Variants in NBAS observed in about 807,000 individuals in gnomAD.
NBAS encodes NAG/BC035112 fusion.
A neutral mutation model predicts 302.5 loss-of-function variants in NBAS; 219 were observed. The ratio of observed to expected loss-of-function variants is 0.72; its 90% CI spans 0.65 to 0.81. NBAS has a LOEUF of 0.81. Ranked by LOEUF, NBAS falls within the 30% of genes least tolerant of loss-of-function variation. The pLI, the probability that NBAS is intolerant of heterozygous loss-of-function variation, is 0.00. For synonymous variants in NBAS, 1,118 were observed against 1,021.6 expected (o/e 1.09, Z -1.80); for missense variants, 2,932 against 2,841.6 (o/e 1.03, Z -0.72).
the NBAS span, among the ~76,000 whole-genome samples, chr2:14,900,954 T>C: frequency 1.3e-5 from 2 of 152,178 alleles, no homozygotes; most frequent in South Asian, 4.1e-4. Context: ...TGTAATTCCA[T>C]ATGGCTACGG....
At chr2:15,055,757 G>A in the NBAS span, among the ~76,000 whole-genome samples, 10 of 152,230 alleles carry the variant, frequency 6.6e-5, no homozygotes, top group African/African-American at 2.4e-4. Flanking sequence ...ATGGGAGTCG[G>A]GTTTCTCCCT....
chr2:14,918,312 CA>C, the NBAS span, among the ~76,000 whole-genome samples: 320 of 103,558 alleles, frequency 3.1e-3, 1 homozygote, highest in African/African-American at 6.6e-3. Context: ...GAAATCCATG[CA>C]AAAAAAAAAA....
rs13432221 is a variant in NBAS, at chr2:15,396,676, C to T, written c.3072-201G>A. Reference sequence around the variant, plus strand: ...TAGAGTAGAACAATATTCTCTGTTACAGATTAGTCAGATATGAACAACTAT... The same window carrying T: ...TAGAGTAGAACAATATTCTCTGTTATAGATTAGTCAGATATGAACAACTAT... On this transcript the variant is annotated intron_variant, in intron 26 of 51. Transcript: ENST00000281513. Among the ~76,000 whole-genome samples the T allele has an allele frequency of 9.7e-3, 1,477 of 152,186 alleles. 18 individuals carry two copies. The highest frequency in any genetic ancestry group is 0.034 in the African/African-American group (1,397 of 41,512).
chr2:14,779,725 A>G, the NBAS span, among the ~76,000 whole-genome samples: 4 of 152,030 alleles, frequency 2.6e-5, no homozygotes, highest in South Asian at 4.1e-4. Context: ...CTCACATACT[A>G]TATATTTGTT....
chr2:14,847,117 C>G, the NBAS span, among the ~76,000 whole-genome samples: 1 of 152,106 alleles, frequency 6.6e-6, no homozygotes, highest in Non-Finnish European at 1.5e-5. Context: ...GGCATGGTGG[C>G]TCACACCTGT....
At chr2:15,221,144 C>G (rs912390948) in intron 47 of NBAS, among the ~76,000 whole-genome samples, 1 of 152,052 alleles carries the variant, frequency 6.6e-6, no homozygotes, top group Non-Finnish European at 1.5e-5. Context: ...TCTGGTGAAC[C>G]TTTTGCAAGC....
intron 10 of NBAS, 54 bp downstream of exon 10, chr2:15,511,158 A>T: frequency 6.2e-7 from 1 of 1,608,782 alleles, no homozygotes; most frequent in Non-Finnish European, 8.5e-7. Flanking sequence ...GTCTAAGACA[A>T]ATAGCACAGT....
the NBAS span, among the ~76,000 whole-genome samples, chr2:15,066,547 T>C: frequency 6.6e-6 from 1 of 152,116 alleles, no homozygotes; most frequent in South Asian, 2.1e-4. Flanking sequence ...AAGTAAAGGA[T>C]TGAACAGACA....
the NBAS span, among the ~76,000 whole-genome samples, chr2:14,806,407 C>T: frequency 6.6e-6 from 1 of 152,228 alleles, no homozygotes; most frequent in East Asian, 1.9e-4. Flanking sequence ...TTATTTTCTA[C>T]AAATTTTTCA....
At chr2:15,053,495 T>A in the NBAS span, among the ~76,000 whole-genome samples, 1 of 152,168 alleles carries the variant, frequency 6.6e-6, no homozygotes, top group Non-Finnish European at 1.5e-5. Context: ...GTTCAAAATA[T>A]TCCATCACCT....
Position 15,275,763 on chromosome 2 carries a change from C to T in NBAS, c.5445G>A (p.Glu1815=). The change falls in exon 44 of 52, where the codon GAG becomes GAA. Residue 1815 remains glutamate, a synonymous_variant. Transcript: ENST00000281513. Reference sequence around the variant, plus strand: ...AGATATTTTGACTTGAAAGAACTGGCTCCAATGCTTCAAGAGGACTCATGT... The same window carrying T: ...AGATATTTTGACTTGAAAGAACTGGTTCCAATGCTTCAAGAGGACTCATGT... ...DENMSPLEAL[E]PVLSSQNILS... is the part of the protein sequence containing the mutation. 2 of 1,614,032 alleles carry T rather than the reference C, an allele frequency of 1.2e-6. No individual in the cohort carries two copies. Among genetic ancestry groups the T allele is most frequent in the African/African-American group, 1.3e-5 (1 of 75,010 alleles).
At chr2:15,035,046 T>C in the NBAS span, among the ~76,000 whole-genome samples, 4 of 152,134 alleles carry the variant, frequency 2.6e-5, no homozygotes, top group African/African-American at 7.2e-5. Flanking sequence ...AAAATCGATG[T>C]ACAGTATTTC....
chr2:14,969,226 G>A, the NBAS span, among the ~76,000 whole-genome samples: 10 of 152,118 alleles, frequency 6.6e-5, no homozygotes, highest in African/African-American at 2.4e-4. Context: ...ATGCTTGTTA[G>A]GTATGGGGTT....
intron 42 of NBAS, among the ~76,000 whole-genome samples, chr2:15,282,679 G>C (rs1201606292): frequency 6.6e-6 from 1 of 152,168 alleles, no homozygotes; most frequent in East Asian, 1.9e-4. Context: ...CCAAAAAGTA[G>C]ATATTAGAGT....
At chr2:15,169,868 C>T (rs1404564742) in intron 51 of NBAS, among the ~76,000 whole-genome samples, 3 of 152,190 alleles carry the variant, frequency 2.0e-5, no homozygotes, top group African/African-American at 4.8e-5. Context: ...CATGCTAATG[C>T]GTGCACACAC....
At chr2:14,842,858 A>C in the NBAS span, among the ~76,000 whole-genome samples, 4 of 151,040 alleles carry the variant, frequency 2.6e-5, no homozygotes, top group Non-Finnish European at 2.9e-5. Flanking sequence ...AAAAAAAAAA[A>C]AAAAAACATA....
At chr2:14,903,062 T>C in the NBAS span, among the ~76,000 whole-genome samples, 3 of 149,894 alleles carry the variant, frequency 2.0e-5, no homozygotes, top group Non-Finnish European at 4.4e-5. Context: ...CTTTGATGAA[T>C]GAAAAAAAAA....
At chr2:15,008,262 C>T in the NBAS span, among the ~76,000 whole-genome samples, 2 of 152,212 alleles carry the variant, frequency 1.3e-5, no homozygotes, top group Non-Finnish European at 2.9e-5. Flanking sequence ...TCACAGAGAC[C>T]CCGCTAAGTT....
chr2:15,474,238 A>G lies in NBAS; in HGVS notation c.1428T>C (p.Asp476=), dbSNP rs1314072015. The G allele has an allele frequency of 1.9e-6, 3 of 1,614,116 alleles. No homozygotes were observed. Among genetic ancestry groups the G allele is most frequent in the Admixed American group, 1.7e-5 (1 of 60,026 alleles). ...EDEGEEDSDS[D]YEISAKARYF... The stretch of plus-strand genomic sequence containing the variant: ...AGCGAGCCTTGGCAGATATTTCATA[A>G]TCAGAATCAGAATCCTCTTCTCCTT... Residue 476 remains aspartate, a synonymous_variant, in exon 15 of 52, where the codon GAT becomes GAC. Transcript: ENST00000281513.
Sources: allele counts gnomAD v4.1 joint callset (sites outside exome capture counted in the v4.1 genomes callset), GRCh38; gene constraint gnomAD v4.1.1; transcripts MANE v1.5; gene names NCBI Gene and HGNC (gene_info 2026-07-23, HGNC 2026-07-21).